The following LRCH2 variants were observed in gnomAD, a reference collection of about 807,000 sequenced individuals.
LRCH2 encodes leucine-rich repeat and calponin homology domain-containing protein 2.
A neutral mutation model predicts 68.9 loss-of-function variants in LRCH2; 38 were observed. The ratio of observed to expected loss-of-function variants is 0.55; its 90% CI spans 0.43 to 0.72. The LOEUF is 0.72. LRCH2 is among the 30% of genes least tolerant of loss of function. The pLI, the probability that LRCH2 is intolerant of heterozygous loss-of-function variation, is 0.00. For missense variants in LRCH2, 528 were observed against 572.9 expected (o/e 0.92, Z 0.80); for synonymous variants, 191 against 208.1 (o/e 0.92, Z 0.71).
At chrX:115,153,439 T>C (rs1428425141) in intron 12 of LRCH2, among the ~76,000 whole-genome samples, 2 of 110,990 alleles carry the variant, frequency 1.8e-5, no homozygotes, top group African/African-American at 6.6e-5. Flanking sequence ...AAGAAAGTGA[T>C]GCACATGTAA....
At position 115,220,969 on chromosome X, in the gene LRCH2, C is replaced by T. The variant is rs782532317; in HGVS notation, c.349+12724G>A. 9.3e-5 allele frequency among the ~76,000 whole-genome samples: 10 copies of T among 107,636 alleles called. No individual in the cohort carries two copies. The South Asian group carries it at 3.7e-3, about 40-fold the overall frequency. 93.5% of individuals were successfully genotyped at this position (107,636 alleles called of 115,157 possible). ...TTGGGAGGCCGAGGCGGGTGGATCA[C>T]GAGGTCAGGAGATCGAGACCATGGT... On this transcript the variant is annotated intron_variant, in intron 1 of 20. Coordinates refer to ENST00000317135, the MANE Select transcript of LRCH2 (RefSeq NM_020871.4).
Position 115,146,340 on chromosome X carries a change from T to A in LRCH2, c.1695+3487A>T, listed in dbSNP as rs191130773. Among the ~76,000 whole-genome samples, 16 of 111,108 alleles carry A rather than the reference T, an allele frequency of 1.4e-4. No individual in the cohort carries two copies. In the Admixed American group the frequency reaches 1.4e-3, roughly 10 times the overall value. On this transcript the variant is annotated intron_variant, in intron 14 of 20. Coordinates refer to ENST00000317135, the MANE Select transcript of LRCH2 (RefSeq NM_020871.4). ...TGGATAATGGGCATAAAAAATAGAA[T>A]AAATAAGACCTAGTATTTGATAGCG...
chrX:115,129,352 T>C (rs2072223989), intron 15 of LRCH2, among the ~76,000 whole-genome samples: 2 of 111,557 alleles, frequency 1.8e-5, no homozygotes, highest in South Asian at 3.8e-4. Flanking sequence ...ATTGTGCTGA[T>C]GCATGGGTAA....
At chrX:115,204,206 T>C (rs1556567179) in intron 1 of LRCH2, among the ~76,000 whole-genome samples, 1 of 113,076 alleles carries the variant, frequency 8.8e-6, no homozygotes, top group Non-Finnish European at 1.9e-5. Context: ...CAGGGAACCA[T>C]GTCATGAGGC....
chrX:115,124,311 G>A (rs916092364), intron 16 of LRCH2, among the ~76,000 whole-genome samples: 1 of 111,495 alleles, frequency 9.0e-6, no homozygotes, highest in Non-Finnish European at 1.9e-5. Flanking sequence ...TGAAGTTTCC[G>A]AAAAAAAGAA....
chrX:115,190,333 G>A, intron 1 of LRCH2: 1 of 1,158,260 alleles, frequency 8.6e-7, no homozygotes, highest in Non-Finnish European at 1.2e-6. Flanking sequence ...TCCCAGCAAA[G>A]GCTCCTACCG....
At chrX:115,197,847 T>A (rs200219710) in intron 1 of LRCH2, among the ~76,000 whole-genome samples, 34 of 20,560 alleles carry the variant, frequency 1.7e-3, no homozygotes, top group African/African-American at 5.6e-3. Context: ...TCTCTCTCTC[T>A]CACACACACA....
At chrX:115,226,007 C>T (rs2073116593) in intron 1 of LRCH2, among the ~76,000 whole-genome samples, 1 of 111,846 alleles carries the variant, frequency 8.9e-6, no homozygotes, top group African/African-American at 3.3e-5. Context: ...AATGATAAAT[C>T]GGTTTGAACA....
intron 12 of LRCH2, among the ~76,000 whole-genome samples, chrX:115,152,011 G>T (rs948433256): frequency 1.8e-5 from 2 of 111,338 alleles, no homozygotes; most frequent in Non-Finnish European, 3.8e-5. Flanking sequence ...TCATCTGAGC[G>T]TACTGATCAT....
chrX:115,211,718 C>T (rs1227994246), intron 1 of LRCH2, among the ~76,000 whole-genome samples: 3 of 111,460 alleles, frequency 2.7e-5, no homozygotes, highest in Non-Finnish European at 3.8e-5. Context: ...ACTGCAACCA[C>T]ACACCAGGGT....
chrX:115,197,718 C>T (rs1298990849), intron 1 of LRCH2, among the ~76,000 whole-genome samples: 2 of 108,624 alleles, frequency 1.8e-5, no homozygotes, highest in East Asian at 5.8e-4. Context: ...CACCACTACA[C>T]TCCAGCCTGG....
intron 1 of LRCH2, among the ~76,000 whole-genome samples, chrX:115,230,227 CT>C (rs1403305065): frequency 7.2e-5 from 8 of 111,525 alleles, no homozygotes; most frequent in African/African-American, 2.3e-4. Flanking sequence ...GAGTCAGCTA[CT>C]TTACTGAAAT....
At chrX:115,124,455 T>A (rs2072169154) in intron 16 of LRCH2, among the ~76,000 whole-genome samples, 1 of 112,314 alleles carries the variant, frequency 8.9e-6, no homozygotes, top group African/African-American at 3.2e-5. Flanking sequence ...ATAAATATCA[T>A]CTCTTCTATT....
intron 1 of LRCH2, chrX:115,191,858 C>T: frequency 8.7e-7 from 1 of 1,149,224 alleles, no homozygotes; most frequent in Non-Finnish European, 1.2e-6. Context: ...CACAACAGTT[C>T]CAGCCGGAAC....
At chrX:115,153,347 CT>C (rs1202754652) in intron 12 of LRCH2, among the ~76,000 whole-genome samples, 1 of 109,144 alleles carries the variant, frequency 9.2e-6, no homozygotes, top group East Asian at 2.9e-4. Context: ...TAAAAAAAGA[CT>C]TTTTCAGACA....
chrX:115,215,253 C>T (rs1462118520), intron 1 of LRCH2, among the ~76,000 whole-genome samples: 1 of 111,332 alleles, frequency 9.0e-6, no homozygotes, highest in Non-Finnish European at 1.9e-5. Context: ...AAAGAATTCA[C>T]ACATGAAAGA....
intron 1 of LRCH2, among the ~76,000 whole-genome samples, chrX:115,226,587 G>T (rs1283413276): frequency 9.0e-6 from 1 of 111,025 alleles, no homozygotes; most frequent in Admixed American, 9.6e-5. Context: ...AGGAGAATCT[G>T]AACAATGACA....
In LRCH2 at chrX:115,126,647, A is replaced by C. The variant is rs782290112; in HGVS notation, c.1791+196T>G. 2.7e-5 allele frequency among the ~76,000 whole-genome samples: 3 copies of C among 111,655 alleles called. No individual in the cohort carries two copies. In the East Asian group the frequency reaches 8.5e-4, roughly 32 times the overall value. ...AGTGCTAGTATCAATATTTTTACCA[A>C]AAAATGGCATTCTTAGAATTTTTTA... On this transcript the variant is annotated intron_variant, in intron 16 of 20. Coordinates refer to ENST00000317135, the MANE Select transcript of LRCH2 (RefSeq NM_020871.4).
intron 14 of LRCH2, among the ~76,000 whole-genome samples, chrX:115,138,157 T>C (rs2147360024): frequency 9.7e-6 from 1 of 103,459 alleles, no homozygotes; most frequent in African/African-American, 3.6e-5. Context: ...AAACTAGAAT[T>C]CCCCGTCTCA....
Sources: gnomAD v4.1 joint callset for allele counts (sites outside exome capture counted in the v4.1 genomes callset) on GRCh38, gnomAD v4.1.1 for gene constraint, MANE v1.5 for transcripts, NCBI Gene and HGNC (gene_info 2026-07-23, HGNC 2026-07-21) for gene names.